EDN1: variants seen among roughly 807,000 people sequenced by gnomAD.
EDN1 encodes the protein endothelin-1.
EDN1 carries 11 observed loss-of-function variants against 21.7 expected under a neutral mutation model. The ratio of observed to expected loss-of-function variants is 0.51; its 90% CI spans 0.32 to 0.84. The LOEUF is 0.84. Ranked by LOEUF, EDN1 falls within the 40% of genes least tolerant of loss-of-function variation. The pLI is 0.03. For synonymous variants in EDN1, 85 were observed against 90.6 expected (o/e 0.94, Z 0.35); for missense variants, 244 against 262.3 (o/e 0.93, Z 0.48).
At chr6:12,294,920 CTTTTTTTTT>C (rs61701314) in intron 4 of EDN1, among the ~76,000 whole-genome samples, 2 of 107,624 alleles carry the variant, frequency 1.9e-5, no homozygotes, top group East Asian at 6.6e-4. Context: ...GGTTTATGGT[CTTTTTTTTT>C]TTTTTTTTTT....
chr6:12,294,235 A>C, intron 3 of EDN1, 26 bp from the exon 4 acceptor site: 1 of 1,614,162 alleles, frequency 6.2e-7, no homozygotes. Flanking sequence ...CATTGCTGAA[A>C]TGTTTTTCCT....
upstream of EDN1, among the ~76,000 whole-genome samples, chr6:12,290,185 T>G (rs1762635369): frequency 6.6e-6 from 1 of 152,224 alleles, no homozygotes; most frequent in Admixed American, 6.5e-5. Flanking sequence ...GGCGGGCGTC[T>G]GCCTCTGAAG....
At chr6:12,237,273 T>A in the EDN1 span, among the ~76,000 whole-genome samples, 2 of 152,272 alleles carry the variant, frequency 1.3e-5, no homozygotes, top group African/African-American at 4.8e-5. Flanking sequence ...TTGTGAATAA[T>A]GTAATTAGGC....
rs1490793727 is a variant in EDN1 at position 12,292,394 on chromosome 6, A to G, written c.118A>G (p.Thr40Ala). 1 of 1,613,214 alleles carries G rather than the reference A, an allele frequency of 6.2e-7. No individual in the cohort carries two copies. The highest frequency in any genetic ancestry group is 1.7e-5 in the Admixed American group (1 of 59,972). ...AVGENGGEKP[T>A]PSPPWRLRRS... ...GGGTGAGAACGGCGGGGAGAAACCC[A>G]CTCCCAGTCCACCCTGGCGGCTCCG... is the stretch of plus-strand genomic sequence containing the variant. Residue 40 changes from threonine to alanine, a missense_variant, in exon 2 of 5, where the codon ACT (threonine) becomes GCT (alanine). Physicochemically the swap from Thr to Ala is moderately conservative, Grantham distance 58. Transcript: ENST00000379375.
At chr6:12,284,748 G>T in the EDN1 span, among the ~76,000 whole-genome samples, 24 of 78,536 alleles carry the variant, frequency 3.1e-4, no homozygotes, top group African/African-American at 1.2e-3. Context: ...AGGAAGGAAG[G>T]AAGAAAGAAA....
At chr6:12,284,781 AAG>A in the EDN1 span, among the ~76,000 whole-genome samples, 143 of 151,812 alleles carry the variant, frequency 9.4e-4, no homozygotes, top group Non-Finnish European at 1.1e-3. Flanking sequence ...GAAAGAAAGA[AAG>A]AAAGAAAGAA....
upstream of EDN1, among the ~76,000 whole-genome samples, chr6:12,287,712 TCACACACACACACACACACA>T (rs66467626): frequency 1.9e-5 from 2 of 103,050 alleles, no homozygotes; most frequent in African/African-American, 3.8e-5. Context: ...TCTCTCTCTC[TCACACACACACACACACACA>T]CACACACACA....
the EDN1 span, among the ~76,000 whole-genome samples, chr6:12,235,186 T>A: frequency 8.5e-5 from 13 of 152,306 alleles, no homozygotes; most frequent in South Asian, 2.7e-3. Flanking sequence ...GAATAGGGGT[T>A]GGACTTCACT....
At chr6:12,269,743 A>G in the EDN1 span, among the ~76,000 whole-genome samples, 10 of 152,108 alleles carry the variant, frequency 6.6e-5, no homozygotes, top group East Asian at 1.5e-3. Context: ...ATCCATGTTC[A>G]TCAGGGAGAT....
At chr6:12,258,453 A>AAAAAAAAAAAAAC in the EDN1 span, among the ~76,000 whole-genome samples, 1 of 150,150 alleles carries the variant, frequency 6.7e-6, no homozygotes, top group Admixed American at 6.6e-5. Context: ...ATGTCTCAAA[A>AAAAAAAAAAAAAC]AAAAAAAAAA....
the EDN1 span, among the ~76,000 whole-genome samples, chr6:12,260,016 A>C: frequency 6.6e-6 from 1 of 152,110 alleles, no homozygotes; most frequent in African/African-American, 2.4e-5. Flanking sequence ...CTCTACAAAA[A>C]AAGGTAAAAA....
chr6:12,284,178 C>T, the EDN1 span, among the ~76,000 whole-genome samples: 8 of 152,080 alleles, frequency 5.3e-5, no homozygotes, highest in African/African-American at 9.7e-5. Flanking sequence ...ATGCACATCA[C>T]GTTAGAGAAA....
the EDN1 span, among the ~76,000 whole-genome samples, chr6:12,260,204 T>C: frequency 8.5e-4 from 129 of 152,222 alleles, no homozygotes; most frequent in Non-Finnish European, 1.6e-3. Flanking sequence ...GACAAAAATA[T>C]GACATTCTGA....
At chr6:12,272,452 CTTTTTTTT>C in the EDN1 span, among the ~76,000 whole-genome samples, 3 of 106,812 alleles carry the variant, frequency 2.8e-5, no homozygotes, top group African/African-American at 1.1e-4. Flanking sequence ...GAGTCATACT[CTTTTTTTT>C]TTTTTTTTTT....
At chr6:12,271,995 C>CT in the EDN1 span, among the ~76,000 whole-genome samples, 2 of 151,906 alleles carry the variant, frequency 1.3e-5, no homozygotes, top group African/African-American at 2.4e-5. Flanking sequence ...AATCCAAAAA[C>CT]TTTTTTTTAA....
intron 2 of EDN1, among the ~76,000 whole-genome samples, chr6:12,293,242 A>G (rs1262080461): frequency 2.0e-5 from 3 of 152,242 alleles, no homozygotes; most frequent in Admixed American, 1.3e-4. Flanking sequence ...CAAAATCCAA[A>G]CAATATCAAA....
At chr6:12,272,536 C>A in the EDN1 span, among the ~76,000 whole-genome samples, 1 of 144,566 alleles carries the variant, frequency 6.9e-6, no homozygotes, top group South Asian at 2.2e-4. Context: ...TGGTTCACTG[C>A]AACCTGCACC....
At chr6:12,249,659 A>G in the EDN1 span, among the ~76,000 whole-genome samples, 5 of 151,958 alleles carry the variant, frequency 3.3e-5, no homozygotes, top group Admixed American at 6.6e-5. Context: ...ATGATAAGGA[A>G]GGTTCATTTC....
In EDN1 at chr6:12,290,502, GC is replaced by G. The variant is rs1206384488; in HGVS notation, c.-127del. ...GCTGCCTTTTCTCCCCGTTAAAAGG[GC>G]ACTTGGGCTGAAGGATCGCTTTGAG... On this transcript the variant is annotated 5_prime_UTR_variant, in exon 1 of 5. Coordinates refer to ENST00000379375, the MANE Select transcript of EDN1 (RefSeq NM_001955.5). 19 of 776,500 alleles carry G rather than the reference GC, an allele frequency of 2.4e-5. No individual in the cohort carries two copies. In the East Asian group the frequency reaches 5.0e-4, roughly 21 times the overall value. The allele number at this position is 776,500 out of a possible 1,614,324, so 48.1% of individuals were successfully genotyped here. A position where few individuals can be genotyped will look rare whatever the true frequency, so the allele number is the denominator to read the frequency against.
Sources: gnomAD v4.1 joint callset for allele counts (sites outside exome capture counted in the v4.1 genomes callset) on GRCh38, gnomAD v4.1.1 for gene constraint, MANE v1.5 for transcripts, NCBI Gene and HGNC (gene_info 2026-07-23, HGNC 2026-07-21) for gene names.